SLTM: variants seen among roughly 807,000 people sequenced by gnomAD.
SLTM encodes SAFB like transcription modulator.
Under a neutral mutation model 134.6 loss-of-function variants are expected in SLTM, and 43 were observed. That is an observed-to-expected ratio of 0.32 (90% CI 0.25 to 0.41). The LOEUF is 0.41. SLTM is among the 10% of genes least tolerant of loss of function. SLTM has a pLI of 1.00. For synonymous variants in SLTM, 424 were observed against 432.3 expected (o/e 0.98, Z 0.24); for missense variants, 1,055 against 1,288.8 (o/e 0.82, Z 2.78).
Position 58,933,544 on chromosome 15 carries a change from C to A in SLTM, c.22G>T (p.Val8Leu). ...TGACCCGAGGCGGCCGAGGCTGCCA[C>A]CGCACCGGTAGCGGCAGCCATCTTA... MAAATGA[V>L]AASAASGQAE... The change falls in exon 1 of 21, where the codon GTG (valine) becomes TTG (leucine). Residue 8 changes from valine (V) to leucine (L), a missense_variant. Transcript: ENST00000380516. 6.3e-7 allele frequency: 1 copy of A among 1,595,052 alleles called. No individual in the cohort carries two copies. Among genetic ancestry groups the A allele is most frequent in the Non-Finnish European group, 8.5e-7 (1 of 1,172,140 alleles).
intron 2 of SLTM, among the ~76,000 whole-genome samples, chr15:58,927,649 C>T (rs558357972): frequency 6.6e-6 from 1 of 151,946 alleles, no homozygotes; most frequent in Non-Finnish European, 1.5e-5. Flanking sequence ...TTTTTGAGCA[C>T]TTATTACGTG....
chr15:58,932,532 A>T, intron 1 of SLTM, 89 bp from the exon 2 acceptor site: 1 of 921,620 alleles, frequency 1.1e-6, no homozygotes. Flanking sequence ...GCAAACCTCA[A>T]GCCTCAAGAC....
intron 20 of SLTM, among the ~76,000 whole-genome samples, chr15:58,882,242 C>T (rs1156297640): frequency 2.7e-5 from 4 of 148,674 alleles, no homozygotes; most frequent in African/African-American, 9.9e-5. Context: ...AGGACAAGCC[C>T]CGTATTTCCA....
chr15:58,921,507 T>C (rs2037043344), intron 2 of SLTM: 2 of 373,444 alleles, frequency 5.4e-6, no homozygotes, highest in Non-Finnish European at 1.1e-5. Context: ...AAAAATGGTC[T>C]AACTTTGCTG....
chr15:58,929,744 T>C (rs1405702252), intron 2 of SLTM, among the ~76,000 whole-genome samples: 7 of 152,028 alleles, frequency 4.6e-5, no homozygotes. Context: ...CTTTGTAAAA[T>C]GGCAGAGAAA....
chr15:58,881,195 A>G (rs2140915370), intron 20 of SLTM, among the ~76,000 whole-genome samples: 1 of 152,048 alleles, frequency 6.6e-6, no homozygotes, highest in South Asian at 2.1e-4. Flanking sequence ...CTCCATCTCA[A>G]AAAAGAAAAA....
At chr15:58,883,819 C>T (rs369518079) in intron 19 of SLTM, 33 bp from the exon 20 acceptor site, 264 of 1,608,918 alleles carry the variant, frequency 1.6e-4, no homozygotes, top group South Asian at 1.4e-4. Flanking sequence ...GTCACTTGGC[C>T]GGGCGCAGTG....
intron 5 of SLTM, among the ~76,000 whole-genome samples, chr15:58,901,613 C>T (rs1272518958): frequency 1.3e-5 from 2 of 152,166 alleles, no homozygotes; most frequent in African/African-American, 4.8e-5. Context: ...GAAGGCTGAC[C>T]TGATGACGTA....
chr15:58,897,740 G>C (rs929775370), intron 8 of SLTM, among the ~76,000 whole-genome samples: 4 of 152,138 alleles, frequency 2.6e-5, no homozygotes, highest in Admixed American at 1.3e-4. Flanking sequence ...AAGACAAAAT[G>C]GGAATTATAT....
In SLTM at chr15:58,933,490, G is replaced by A. The variant is rs1280839143; in HGVS notation, c.76C>T (p.Arg26Trp). 1 of 1,599,394 alleles carries A rather than the reference G, an allele frequency of 6.3e-7. No homozygotes were observed. Among genetic ancestry groups the A allele is most frequent in the Admixed American group, 1.7e-5 (1 of 58,056 alleles). Residue 26 changes from arginine to tryptophan, a missense_variant, in exon 1 of 21, where the codon CGG becomes TGG. By Grantham distance (101) the Arg-to-Trp change is moderately radical. This residue lies in a region of SLTM where 268 missense variants were observed against 284.3 expected (regional missense o/e 0.94). Transcript: ENST00000380516. ...AGCTCGGACTTCAGATCGATGACCC[G>A]CAGATCGGTGATCTTTTTACCTTCC... ...QAEGKKITDL[R>W]VIDLKSELKR...
intron 5 of SLTM, among the ~76,000 whole-genome samples, chr15:58,909,369 G>C (rs909155041): frequency 2.6e-5 from 4 of 152,100 alleles, no homozygotes; most frequent in Admixed American, 2.0e-4. Context: ...GAACTAACTG[G>C]CCACTGTCAG....
intron 5 of SLTM, among the ~76,000 whole-genome samples, chr15:58,906,172 A>T (rs1231497307): frequency 6.6e-6 from 1 of 152,260 alleles, no homozygotes; most frequent in Non-Finnish European, 1.5e-5. Flanking sequence ...AATGGTATAT[A>T]TGCACAGACA....
intron 5 of SLTM, among the ~76,000 whole-genome samples, chr15:58,901,496 C>T (rs559802800): frequency 2.6e-5 from 4 of 152,282 alleles, no homozygotes; most frequent in South Asian, 2.1e-4. Context: ...TTTTAGAAAA[C>T]AGGTATATCT....
intron 20 of SLTM, among the ~76,000 whole-genome samples, chr15:58,881,637 G>A (rs1338619546): frequency 6.6e-6 from 1 of 152,146 alleles, no homozygotes; most frequent in Non-Finnish European, 1.5e-5. Context: ...GCTTGTTGTG[G>A]TTTTAGAGCA....
At position 58,879,870 on chromosome 15, in the gene SLTM, G is replaced by A. The variant is rs2033554465; in HGVS notation, c.*129C>T. On this transcript the variant is annotated 3_prime_UTR_variant, in exon 21 of 21. Transcript: ENST00000380516. Reference sequence around the variant, plus strand: ...CTCCAAAATTGAGAAAAGCAATCATGTTAAATTTTTAAAAAGAAAAGTCTG... The same window carrying A: ...CTCCAAAATTGAGAAAAGCAATCATATTAAATTTTTAAAAAGAAAAGTCTG... 8 of 1,125,972 alleles carry A rather than the reference G, an allele frequency of 7.1e-6. No homozygotes were observed. The South Asian group carries it at 1.8e-4, about 25-fold the overall frequency. The allele number at this position is 1,125,972 out of a possible 1,614,324, so 69.7% of individuals were successfully genotyped here.
chr15:58,902,420 T>G (rs1229956556), intron 5 of SLTM, among the ~76,000 whole-genome samples: 2 of 150,154 alleles, frequency 1.3e-5, no homozygotes, highest in African/African-American at 2.4e-5. Flanking sequence ...GGTTCCTTAC[T>G]CTGTCGTCCA....
At chr15:58,886,218 A>AGTGTGTGTGTGTGTGTGTGTGT (rs60261686) in intron 19 of SLTM, among the ~76,000 whole-genome samples, 1 of 124,458 alleles carries the variant, frequency 8.0e-6, no homozygotes, top group Non-Finnish European at 1.7e-5. Flanking sequence ...GAAAAAGAAG[A>AGTGTGTGTGTGTGTGTGTGTGT]GTGTGTGTGT....
At position 58,887,531 on chromosome 15, in the gene SLTM, G is replaced by T. The variant is rs779277558; in HGVS notation, c.2385C>A (p.Arg795=). Residue 795 remains arginine (R), a synonymous_variant, in exon 18 of 21, where the codon CGC becomes CGA. Coordinates refer to ENST00000380516, the MANE Select transcript of SLTM (RefSeq NM_024755.4). ...TTTTCCCCTCACTTTGACCAACAAA[G>T]CGATCCCGCCTATTGATTAGAAACA... ...VQSSSFERRD[R]FVGQSEGKKA... 19 of 1,610,632 alleles carry T rather than the reference G, an allele frequency of 1.2e-5. No homozygotes were observed. In the Middle Eastern group the frequency reaches 6.6e-4, roughly 56 times the overall value.
At position 58,887,009 on chromosome 15, in the gene SLTM, C is replaced by G; in HGVS notation, c.2801G>C (p.Arg934Thr). 1 of 1,612,908 alleles carries G rather than the reference C, an allele frequency of 6.2e-7. No homozygotes were observed. Among genetic ancestry groups the G allele is most frequent in the Non-Finnish European group, 8.5e-7 (1 of 1,180,028 alleles). Residue 934 changes from arginine to threonine, a missense_variant, in exon 19 of 21, where the codon AGA (arginine) becomes ACA (threonine). Physicochemically the swap from Arg to Thr is moderately conservative, Grantham distance 71. Coordinates refer to ENST00000380516, the MANE Select transcript of SLTM (RefSeq NM_024755.4). ...ACCTCCTCGGTCTGTGATGACTCCT[C>G]TGTCTCCCTCTCTGCTCCCGTACCC... ...ASGYGSREGD[R>T]GVITDRGGGS... is the part of the protein sequence containing the mutation.
Sources: allele counts gnomAD v4.1 joint callset (sites outside exome capture counted in the v4.1 genomes callset), GRCh38; gene constraint gnomAD v4.1.1; regional missense constraint gnomAD v4.1.1; transcripts MANE v1.5; gene names NCBI Gene and HGNC (gene_info 2026-07-23, HGNC 2026-07-21).